Variants in LAMC2 observed in about 807,000 individuals in gnomAD.
LAMC2 encodes the protein laminin subunit gamma-2.
Under a neutral mutation model 140.2 loss-of-function variants are expected in LAMC2, and 97 were observed. The observed-to-expected ratio is 0.69, with a 90% CI of 0.59 to 0.82. The LOEUF (loss-of-function observed/expected upper bound fraction) is 0.82, where lower values mean the gene tolerates loss of function less well. Ranked by LOEUF, LAMC2 falls within the 40% of genes least tolerant of loss-of-function variation. The pLI is 0.00. For synonymous variants in LAMC2, 513 were observed against 540.2 expected (o/e 0.95, Z 0.70); for missense variants, 1,402 against 1,476.1 (o/e 0.95, Z 0.82).
the LAMC2 span, chr1:183,252,357 C>G: frequency 4.9e-6 from 2 of 412,202 alleles, no homozygotes; most frequent in African/African-American, 4.1e-5. Flanking sequence ...CTAGAGCATG[C>G]TGGGAGACGG....
In LAMC2 at chr1:183,232,646, G is replaced by T. The variant is rs369314348; in HGVS notation, c.2015-6G>T. The T allele has an allele frequency of 6.8e-6, 11 of 1,611,790 alleles. No homozygotes were observed. Among genetic ancestry groups the T allele is most frequent in the Non-Finnish European group, 9.3e-6 (11 of 1,179,314 alleles). Reference sequence around the variant, plus strand: ...GCTCATGCTCCCTTTCCTTCTTTGCGTTCAGGTGCTAGCAGATCCCTTGGT... The same window carrying T: ...GCTCATGCTCCCTTTCCTTCTTTGCTTTCAGGTGCTAGCAGATCCCTTGGT... On this transcript the variant is annotated splice_polypyrimidine_tract_variant and splice_region_variant and intron_variant, in intron 13 of 22. Coordinates refer to ENST00000264144, the MANE Select transcript of LAMC2 (RefSeq NM_005562.3).
At chr1:183,221,083 T>C in intron 5 of LAMC2, 122 bp downstream of exon 5, 2 of 970,260 alleles carry the variant, frequency 2.1e-6, no homozygotes, top group Admixed American at 2.1e-5. Flanking sequence ...TAGTATTGAA[T>C]GTACATTATT....
chr1:183,220,856 G>C lies in LAMC2; in HGVS notation c.535G>C (p.Gly179Arg). 6.2e-7 allele frequency: 1 copy of C among 1,613,894 alleles called. No individual in the cohort carries two copies. Among genetic ancestry groups the C allele is most frequent in the South Asian group, 1.1e-5 (1 of 91,072 alleles). ...CRSGYYNLDG[G>R]NPEGCTQCFC... ...ATCAGGTTACTATAATCTGGATGGG[G>C]GGAACCCTGAGGGCTGTACCCAGTG... Residue 179 changes from glycine to arginine, a missense_variant, in exon 5 of 23, where the codon GGG (glycine) becomes CGG (arginine). Around this residue, in one of 3 missense-constraint regions of LAMC2, gnomAD observed 723 missense variants for 783.3 expected, o/e 0.92. Transcript: ENST00000264144.
intron 15 of LAMC2, among the ~76,000 whole-genome samples, chr1:183,235,093 G>T (rs1430104341): frequency 1.3e-5 from 2 of 151,956 alleles, no homozygotes; most frequent in Non-Finnish European, 2.9e-5. Flanking sequence ...GTTTCTTTGG[G>T]TTTTTTTTAA....
At chr1:183,224,283 C>G (rs1659562037) in intron 7 of LAMC2, among the ~76,000 whole-genome samples, 1 of 152,048 alleles carries the variant, frequency 6.6e-6, no homozygotes. Flanking sequence ...AACTGGCAAG[C>G]AATATTTATA....
intron 22 of LAMC2, among the ~76,000 whole-genome samples, chr1:183,241,649 G>A (rs1041186897): frequency 8.6e-5 from 13 of 152,046 alleles, no homozygotes; most frequent in African/African-American, 2.7e-4. Flanking sequence ...GAACAACTTC[G>A]AAACTGGATT....
intron 11 of LAMC2, among the ~76,000 whole-genome samples, chr1:183,230,546 G>A (rs1659767031): frequency 6.6e-6 from 1 of 152,202 alleles, no homozygotes; most frequent in Non-Finnish European, 1.5e-5. Context: ...ACCTCTCATT[G>A]TAGCTTGCCA....
At chr1:183,190,097 A>G (rs1372156080) in intron 1 of LAMC2, among the ~76,000 whole-genome samples, 1 of 152,162 alleles carries the variant, frequency 6.6e-6, no homozygotes, top group Non-Finnish European at 1.5e-5. Context: ...CCTATCATGT[A>G]CCATTGTGGC....
rs146994319 is a variant in LAMC2, at chr1:183,238,911, C to T, written c.2870-453C>T. ...TCCCAGGAGATTTAGATTTGTGCCT[C>T]GCAGAGATTTCATTAAAATTTCAGG... On this transcript the variant is annotated intron_variant, in intron 19 of 22. Transcript: ENST00000264144. 2.2e-4 allele frequency among the ~76,000 whole-genome samples: 33 copies of T among 152,224 alleles called. No individual in the cohort carries two copies. The East Asian group carries it at 5.0e-3, about 23-fold the overall frequency.
At chr1:183,206,217 C>T (rs890533527) in intron 1 of LAMC2, among the ~76,000 whole-genome samples, 1 of 152,118 alleles carries the variant, frequency 6.6e-6, no homozygotes, top group Non-Finnish European at 1.5e-5. Flanking sequence ...ACTGAGCTGT[C>T]GAATGTAAAG....
chr1:183,254,761 AAT>A, the LAMC2 span, among the ~76,000 whole-genome samples: 2 of 152,196 alleles, frequency 1.3e-5, no homozygotes, highest in African/African-American at 4.8e-5. Flanking sequence ...TTAGTTGAGT[AAT>A]ATGTTTTCTT....
chr1:183,241,261 A>AT, intron 22 of LAMC2: 3 of 965,802 alleles, frequency 3.1e-6, no homozygotes, highest in Non-Finnish European at 3.7e-6. Context: ...AAAAAAAAAA[A>AT]GGAAAAATAA....
At chr1:183,249,687 G>A (rs1380178522), downstream of LAMC2, 3 of 63,510 alleles carry the variant, frequency 4.7e-5, no homozygotes, top group Admixed American at 3.6e-4. Flanking sequence ...TAGGGCGTGT[G>A]TGTGTGTGTG....
At chr1:183,226,384 C>T (rs996219878) in intron 8 of LAMC2, among the ~76,000 whole-genome samples, 3 of 152,082 alleles carry the variant, frequency 2.0e-5, no homozygotes, top group Admixed American at 6.6e-5. Context: ...ATTTTCACAA[C>T]GGACATAAGA....
At chr1:183,213,748 C>CAA (rs529019896) in intron 2 of LAMC2, among the ~76,000 whole-genome samples, 11,683 of 67,912 alleles carry the variant, frequency 0.17, 807 homozygotes, top group East Asian at 0.26. Flanking sequence ...TGCAGTGAGC[C>CAA]AAAAAAAAAA....
At position 183,202,502 on chromosome 1, in the gene LAMC2, A is replaced by C. The variant is rs147643060; in HGVS notation, c.80-5379A>C. 9.9e-3 allele frequency among the ~76,000 whole-genome samples: 1,512 copies of C among 152,354 alleles called. 11 individuals carry two copies. The highest frequency in any genetic ancestry group is 0.024 in the Middle Eastern group (7 of 294). ...AGGAAAGAGTAAAAGAAAATCTGCA[A>C]TAAAGTGATACAGACAAATAGTTTG... On this transcript the variant is annotated intron_variant, in intron 1 of 22. Transcript: ENST00000264144.
rs57892666 is a variant in LAMC2, at chr1:183,233,338, GGGAA to G, written c.2220+499_2220+502del. 7.0e-3 allele frequency among the ~76,000 whole-genome samples: 1,072 copies of G among 152,086 alleles called. 14 individuals carry two copies. The highest frequency in any genetic ancestry group is 0.024 in the African/African-American group (1,013 of 41,490). Reference sequence around the variant, plus strand: ...GAAAGAAGAACAAAGGAAGAGAGTAGGGAAGGAAGGAAGGAAGGAAGACATGGTT... The same window carrying G: ...GAAAGAAGAACAAAGGAAGAGAGTAGGGAAGGAAGGAAGGAAGACATGGTT... On this transcript the variant is annotated intron_variant, in intron 14 of 22. Transcript: ENST00000264144.
At chr1:183,219,849 T>C (rs1222287241) in intron 4 of LAMC2, among the ~76,000 whole-genome samples, 1 of 152,248 alleles carries the variant, frequency 6.6e-6, no homozygotes, top group African/African-American at 2.4e-5. Flanking sequence ...TTAGACTACA[T>C]GATTTGGAGA....
rs764894355 is a variant in LAMC2, at chr1:183,230,991, C to T, written c.1745C>T (p.Pro582Leu). Residue 582 changes from proline to leucine, a missense_variant, in exon 12 of 23, where the codon CCT (proline) becomes CTT (leucine). Around this residue, in one of 3 missense-constraint regions of LAMC2, gnomAD observed 723 missense variants for 783.3 expected, o/e 0.92. Coordinates refer to ENST00000264144, the MANE Select transcript of LAMC2 (RefSeq NM_005562.3). Reference sequence around the variant, plus strand: ...AACTGTAACCCCATGGGCTCAGAGCCTGTAGGATGTCGAAGTGATGGCACC... The same window carrying T: ...AACTGTAACCCCATGGGCTCAGAGCTTGTAGGATGTCGAAGTGATGGCACC... ...ACNCNPMGSE[P>L]VGCRSDGTCV... 2.5e-6 allele frequency: 4 copies of T among 1,614,158 alleles called. No homozygotes were observed. The highest frequency in any genetic ancestry group is 1.7e-5 in the Admixed American group (1 of 60,016).
Sources: allele counts gnomAD v4.1 joint callset (sites outside exome capture counted in the v4.1 genomes callset), GRCh38; gene constraint gnomAD v4.1.1; regional missense constraint gnomAD v4.1.1; transcripts MANE v1.5; gene names NCBI Gene and HGNC (gene_info 2026-07-23, HGNC 2026-07-21).